The following LAMA3 variants were observed in gnomAD, a reference collection of about 807,000 sequenced individuals.
The protein encoded by LAMA3 is laminin subunit alpha 3.
In LAMA3, 281 loss-of-function variants were observed where a neutral mutation model predicts 402.0. The observed-to-expected ratio is 0.70, with a 90% CI of 0.63 to 0.77. The LOEUF is 0.77. Ranked by LOEUF, LAMA3 falls within the 30% of genes least tolerant of loss-of-function variation. LAMA3 has a pLI of 0.00. For synonymous variants in LAMA3, 1,431 were observed against 1,558.4 expected (o/e 0.92, Z 1.93); for missense variants, 3,840 against 4,215.5 (o/e 0.91, Z 2.47).
chr18:23,935,903 T>G (rs2082300280), intron 67 of LAMA3, among the ~76,000 whole-genome samples: 1 of 152,022 alleles, frequency 6.6e-6, no homozygotes, highest in Admixed American at 6.6e-5. Context: ...GAACTGGGTC[T>G]GGAGTGTGGG....
At chr18:23,803,382 G>A (rs1016546238) in intron 12 of LAMA3, among the ~76,000 whole-genome samples, 9 of 152,158 alleles carry the variant, frequency 5.9e-5, no homozygotes, top group Admixed American at 2.0e-4. Context: ...CTCCATCCCT[G>A]CCCCCATGGC....
At chr18:23,718,979 A>AGT (rs764452757) in intron 2 of LAMA3, among the ~76,000 whole-genome samples, 140 of 152,328 alleles carry the variant, frequency 9.2e-4, no homozygotes, top group Admixed American at 1.6e-3. Context: ...CCAGTTCTAA[A>AGT]GTGCCTTCTA....
At chr18:23,901,916 A>G (rs1403384571) in intron 48 of LAMA3, among the ~76,000 whole-genome samples, 1 of 152,146 alleles carries the variant, frequency 6.6e-6, no homozygotes, top group Non-Finnish European at 1.5e-5. Flanking sequence ...CTGGTCTCGA[A>G]CTCCTGACCT....
intron 69 of LAMA3, among the ~76,000 whole-genome samples, chr18:23,945,919 C>A (rs1555752388): frequency 2.0e-5 from 3 of 150,724 alleles, no homozygotes; most frequent in Non-Finnish European, 3.0e-5. Context: ...TCTAAGCAAC[C>A]TTTTTTTTTC....
intron 1 of LAMA3, among the ~76,000 whole-genome samples, chr18:23,699,593 T>C (rs2145839190): frequency 6.6e-6 from 1 of 152,302 alleles, no homozygotes. Flanking sequence ...AAGACCTCTT[T>C]CATAAATCTA....
At chr18:23,915,764 G>A (rs2145255261) in intron 59 of LAMA3, among the ~76,000 whole-genome samples, 1 of 152,144 alleles carries the variant, frequency 6.6e-6, no homozygotes. Context: ...CCAGCACTTT[G>A]GGAGGTTGAG....
At chr18:23,924,968 G>A (rs902391087) in intron 62 of LAMA3, among the ~76,000 whole-genome samples, 8 of 152,194 alleles carry the variant, frequency 5.3e-5, no homozygotes, top group Non-Finnish European at 8.8e-5. Context: ...CAGCTGTTCT[G>A]GGTGTTGCCT....
At position 23,822,291 on chromosome 18, in the gene LAMA3, G is replaced by A. The variant is rs1163660835; in HGVS notation, c.2344G>A (p.Gly782Ser). 6.2e-7 allele frequency: 1 copy of A among 1,613,712 alleles called. No homozygotes were observed. The highest frequency in any genetic ancestry group is 1.1e-5 in the South Asian group (1 of 91,074). The change falls in exon 20 of 75, where the codon GGC becomes AGC. Residue 782 changes from glycine (G) to serine (S), a missense_variant. This residue lies in a region of LAMA3 where 2,109 missense variants were observed against 2,376.0 expected (regional missense o/e 0.89). Coordinates refer to ENST00000313654, the MANE Select transcript of LAMA3 (RefSeq NM_198129.4). The part of the protein sequence containing the change: ...RITLNVGKSS[G>S]SLFRVILRYV... ...AACATTGAATGTAGGGAAGTCAAGT[G>A]GCTCCTTGTTTCGTGTTATTCTGAG...
At chr18:23,696,986 T>C (rs1039972517) in intron 1 of LAMA3, among the ~76,000 whole-genome samples, 7 of 152,182 alleles carry the variant, frequency 4.6e-5, no homozygotes, top group African/African-American at 1.7e-4. Flanking sequence ...AAATTGTAGC[T>C]GAAGCAAGCC....
intron 8 of LAMA3, among the ~76,000 whole-genome samples, chr18:23,764,505 C>T (rs963470547): frequency 1.3e-5 from 2 of 152,026 alleles, no homozygotes; most frequent in African/African-American, 4.8e-5. Flanking sequence ...TGTTATTCTT[C>T]ATCATTCTCT....
chr18:23,752,848 T>G (rs1034786517), intron 5 of LAMA3, among the ~76,000 whole-genome samples: 11 of 152,248 alleles, frequency 7.2e-5, no homozygotes, highest in African/African-American at 2.4e-4. Context: ...AAAAACCCTC[T>G]TGTCCTTGCG....
At chr18:23,706,130 C>A (rs556660414) in intron 1 of LAMA3, among the ~76,000 whole-genome samples, 1 of 152,142 alleles carries the variant, frequency 6.6e-6, no homozygotes, top group South Asian at 2.1e-4. Context: ...ATTGTTTCAT[C>A]CATATTGTTT....
At chr18:23,854,604 G>A (rs1216014516) in intron 32 of LAMA3, among the ~76,000 whole-genome samples, 1 of 151,344 alleles carries the variant, frequency 6.6e-6, no homozygotes, top group Non-Finnish European at 1.5e-5. Flanking sequence ...TTGCGCCACT[G>A]CACTCCAGCC....
At chr18:23,776,490 C>T (rs1173699759) in intron 10 of LAMA3, among the ~76,000 whole-genome samples, 2 of 152,260 alleles carry the variant, frequency 1.3e-5, no homozygotes, top group East Asian at 1.9e-4. Flanking sequence ...TGAGTGTTGG[C>T]TCTGTTTGTT....
chr18:23,800,515 C>T (rs953455206), intron 12 of LAMA3, among the ~76,000 whole-genome samples: 1 of 152,168 alleles, frequency 6.6e-6, no homozygotes, highest in African/African-American at 2.4e-5. Context: ...TCACCTCGAA[C>T]ATTCATTTCT....
At chr18:23,854,182 C>T (rs777506842) in intron 32 of LAMA3, among the ~76,000 whole-genome samples, 32 of 152,200 alleles carry the variant, frequency 2.1e-4, no homozygotes, top group Non-Finnish European at 4.1e-4. Flanking sequence ...TGACTGGCCA[C>T]ATCTTCTCAG....
chr18:23,954,276 C>T (rs1203558659), intron 74 of LAMA3, among the ~76,000 whole-genome samples: 1 of 151,872 alleles, frequency 6.6e-6, no homozygotes, highest in Non-Finnish European at 1.5e-5. Context: ...GTGGCCCACA[C>T]CTCTAGTCCT....
At chr18:23,861,911 T>C (rs1268604212) in intron 35 of LAMA3, 104 bp downstream of exon 35, 19 of 1,264,022 alleles carry the variant, frequency 1.5e-5, no homozygotes, top group Non-Finnish European at 1.7e-5. Flanking sequence ...GCAGTTCAGG[T>C]TACTAACGTT....
intron 1 of LAMA3, among the ~76,000 whole-genome samples, chr18:23,698,024 G>C (rs965193576): frequency 1.3e-5 from 2 of 151,580 alleles, no homozygotes; most frequent in Admixed American, 1.3e-4. Flanking sequence ...TTGGATTAGG[G>C]CCTGCCATAA....
Sources: allele counts gnomAD v4.1 joint callset (sites outside exome capture counted in the v4.1 genomes callset), GRCh38; gene constraint gnomAD v4.1.1; regional missense constraint gnomAD v4.1.1; transcripts MANE v1.5; gene names NCBI Gene and HGNC (gene_info 2026-07-23, HGNC 2026-07-21).